PROS1: variants seen among roughly 807,000 people sequenced by gnomAD.
PROS1 encodes vitamin K-dependent protein S.
In PROS1, 29 loss-of-function variants were observed where a neutral mutation model predicts 75.9. That is an observed-to-expected ratio of 0.38 (90% confidence interval 0.28 to 0.52). The LOEUF is 0.52. Among genes scored for constraint, PROS1 ranks in the 20% least tolerant of loss-of-function variants. The pLI is 0.83. For synonymous variants in PROS1, 245 were observed against 280.6 expected (o/e 0.87, Z 1.27); for missense variants, 680 against 810.3 (o/e 0.84, Z 1.95).
At chr3:93,959,432 C>T (rs561636425) in intron 1 of PROS1, among the ~76,000 whole-genome samples, 1 of 152,320 alleles carries the variant, frequency 6.6e-6, no homozygotes, top group South Asian at 2.1e-4. Flanking sequence ...GAGACCTTCT[C>T]CACAAGCTGC....
chr3:93,927,191 G>A, intron 2 of PROS1, 59 bp downstream of exon 2: 1 of 1,589,724 alleles, frequency 6.3e-7, no homozygotes, highest in South Asian at 1.1e-5. Context: ...GGCTGGAAAT[G>A]TTCAGTCTGT....
At chr3:93,971,627 C>CCACACACACACACACACA (rs748664337) in intron 1 of PROS1, among the ~76,000 whole-genome samples, 1 of 124,372 alleles carries the variant, frequency 8.0e-6, no homozygotes, top group Non-Finnish European at 1.6e-5. Flanking sequence ...AAAATAAAAA[C>CCACACACACACACACACA]CACACACACA....
intron 1 of PROS1, among the ~76,000 whole-genome samples, chr3:93,939,880 C>T (rs1032366605): frequency 6.6e-6 from 1 of 152,168 alleles, no homozygotes; most frequent in African/African-American, 2.4e-5. Flanking sequence ...CACAACAGGA[C>T]TTAACTAACT....
chr3:93,962,282 G>A (rs528499892), intron 1 of PROS1, among the ~76,000 whole-genome samples: 1 of 152,018 alleles, frequency 6.6e-6, no homozygotes, highest in Non-Finnish European at 1.5e-5. Flanking sequence ...ACAACCCACC[G>A]ATTTCTTCAC....
intron 1 of PROS1, among the ~76,000 whole-genome samples, chr3:93,946,377 G>C (rs1165206885): frequency 4.6e-5 from 7 of 152,304 alleles, no homozygotes; most frequent in Non-Finnish European, 1.0e-4. Context: ...AACAAAGCTA[G>C]AGGCATCATG....
intron 1 of PROS1, among the ~76,000 whole-genome samples, chr3:93,945,543 A>T (rs142557569): frequency 0.019 from 2,871 of 152,348 alleles, 40 homozygotes; most frequent in Non-Finnish European, 0.032. Context: ...ATATGAACAG[A>T]ACTAAAGACA....
chr3:93,916,114 G>A (rs1351658200), intron 3 of PROS1, among the ~76,000 whole-genome samples: 1 of 152,132 alleles, frequency 6.6e-6, no homozygotes, highest in Admixed American at 6.6e-5. Context: ...CATGACAGAA[G>A]GTAGTAAGGC....
intron 2 of PROS1, 132 bp from the exon 3 acceptor site, chr3:93,924,396 AT>A (rs1708986820): frequency 2.3e-6 from 1 of 434,456 alleles, no homozygotes; most frequent in African/African-American, 2.0e-5. Context: ...TCACATTATA[AT>A]TTTTATATAG....
chr3:93,943,285 C>G lies in PROS1; in HGVS notation c.77-15878G>C, dbSNP rs559440699. ...TCAAGGATAGAGCCCAAAAACTCAC[C>G]AACCAAGCAAGTAATTACACTGAAC... On this transcript the variant is annotated intron_variant, in intron 1 of 14. Transcript: ENST00000394236. Among the ~76,000 whole-genome samples, 12 of 152,208 alleles carry G rather than the reference C, an allele frequency of 7.9e-5. No homozygotes were observed. In the East Asian group the frequency reaches 1.9e-3, roughly 25 times the overall value.
intron 3 of PROS1, among the ~76,000 whole-genome samples, chr3:93,914,610 G>C (rs1240331386): frequency 6.6e-6 from 1 of 152,132 alleles, no homozygotes; most frequent in Middle Eastern, 3.2e-3. Context: ...TCTCTCAAAT[G>C]TCTTTGAGGT....
At chr3:93,903,982 C>A (rs1286077953) in intron 6 of PROS1, among the ~76,000 whole-genome samples, 1 of 130,092 alleles carries the variant, frequency 7.7e-6, no homozygotes, top group African/African-American at 2.9e-5. Context: ...CACCCTACAA[C>A]AGTCCCCAGA....
Position 93,973,477 on chromosome 3 carries a change from T to A in PROS1, c.76+197A>T, listed in dbSNP as rs1182769490. On this transcript the variant is annotated intron_variant, in intron 1 of 14. Coordinates refer to ENST00000394236, the MANE Select transcript of PROS1 (RefSeq NM_000313.4). ...CCTGTAGGCAATACATTCTCGCAAC[T>A]GTGCAAATAGTGATCCTGCCCCACC... The A allele has an allele frequency of 4.9e-6, 3 of 617,628 alleles. No homozygotes were observed. The East Asian group carries it at 8.6e-5, about 18-fold the overall frequency. The allele number at this position is 617,628 out of a possible 1,614,324, so 38.3% of individuals were successfully genotyped here.
At chr3:93,952,196 A>G (rs986818165) in intron 1 of PROS1, among the ~76,000 whole-genome samples, 22 of 152,214 alleles carry the variant, frequency 1.4e-4, no homozygotes, top group Non-Finnish European at 2.6e-4. Flanking sequence ...AAGGATATCC[A>G]GGAATTGAAC....
In PROS1 at chr3:93,965,379, G is replaced by A. The variant is rs183372119; in HGVS notation, c.76+8295C>T. Among the ~76,000 whole-genome samples, 20 of 152,302 alleles carry A rather than the reference G, an allele frequency of 1.3e-4. No homozygotes were observed. In the East Asian group the frequency reaches 1.9e-3, roughly 15 times the overall value. ...CTGATCCAGCGAGGCGCCCATTGCC[G>A]CTCCTGATCTGGCTAAAGGCTTGCC... On this transcript the variant is annotated intron_variant, in intron 1 of 14. Transcript: ENST00000394236.
intron 1 of PROS1, among the ~76,000 whole-genome samples, chr3:93,942,144 C>A (rs758846470): frequency 2.0e-5 from 3 of 152,160 alleles, no homozygotes; most frequent in Non-Finnish European, 4.4e-5. Flanking sequence ...CACCACTCAC[C>A]AGCAAAGGCA....
chr3:93,950,445 C>A (rs1305284113), intron 1 of PROS1, among the ~76,000 whole-genome samples: 1 of 152,210 alleles, frequency 6.6e-6, no homozygotes, highest in Non-Finnish European at 1.5e-5. Flanking sequence ...TAGTGGCCGA[C>A]TGACACCTCA....
intron 1 of PROS1, among the ~76,000 whole-genome samples, chr3:93,956,279 T>G (rs140129232): frequency 6.6e-4 from 101 of 152,216 alleles, no homozygotes; most frequent in African/African-American, 2.4e-3. Flanking sequence ...CTCAAGAATT[T>G]TATAAGGTGC....
chr3:93,950,592 C>T (rs1709480504), intron 1 of PROS1, among the ~76,000 whole-genome samples: 1 of 152,208 alleles, frequency 6.6e-6, no homozygotes, highest in Admixed American at 6.5e-5. Flanking sequence ...GGACATCCAT[C>T]AAAGCCCAAC....
chr3:93,945,316 A>T (rs1709368196), intron 1 of PROS1, among the ~76,000 whole-genome samples: 2 of 152,234 alleles, frequency 1.3e-5, no homozygotes, highest in Non-Finnish European at 2.9e-5. Flanking sequence ...TGAGGCCAGC[A>T]TCATCCTGAT....
Sources: allele counts gnomAD v4.1 joint callset (sites outside exome capture counted in the v4.1 genomes callset), GRCh38; gene constraint gnomAD v4.1.1; transcripts MANE v1.5; gene names NCBI Gene and HGNC (gene_info 2026-07-23, HGNC 2026-07-21).